The following WDR27 variants were observed in gnomAD, a reference collection of about 807,000 sequenced individuals.
The protein encoded by WDR27 is WD repeat-containing protein 27.
Under a neutral mutation model 114.4 loss-of-function variants are expected in WDR27, and 100 were observed. The observed-to-expected ratio is 0.87, with a 90% CI of 0.74 to 1.03. The LOEUF (loss-of-function observed/expected upper bound fraction) is 1.03. Ranked by LOEUF, WDR27 falls within the 50% of genes least tolerant of loss-of-function variation. WDR27 has a pLI of 0.00. For synonymous variants in WDR27, 449 were observed against 423.1 expected, an observed-to-expected ratio of 1.06 and a Z score of -0.75; for missense variants, 1,129 against 1,092.9, an observed-to-expected ratio of 1.03 and a Z score of -0.47.
intron 25 of WDR27, among the ~76,000 whole-genome samples, chr6:169,570,503 C>T (rs1801202340): frequency 6.6e-6 from 1 of 152,192 alleles, no homozygotes; most frequent in African/African-American, 2.4e-5. Context: ...CATAGGTTTA[C>T]TCATTCTCAG....
chr6:169,457,055 G>A (rs141038621), downstream of WDR27, among the ~76,000 whole-genome samples: 282 of 149,356 alleles, frequency 1.9e-3, 2 homozygotes, highest in African/African-American at 6.7e-3. Flanking sequence ...TAACCATGCA[G>A]AACCTAGGGA....
intron 14 of WDR27, among the ~76,000 whole-genome samples, chr6:169,650,833 A>T (rs1161507073): frequency 6.6e-6 from 1 of 151,332 alleles, no homozygotes; most frequent in Admixed American, 6.6e-5. Context: ...TCCATCTCTC[A>T]TCCCTCCATC....
rs149733485 is a variant in WDR27 at position 169,630,703 on chromosome 6, G to A, written c.2223+2244C>T. 1.3e-4 allele frequency among the ~76,000 whole-genome samples: 20 copies of A among 152,278 alleles called. No individual in the cohort carries two copies. The East Asian group carries it at 2.1e-3, about 16-fold the overall frequency. ...AAGGTCAGGAGTTCGAGACTAGCCC[G>A]GCCAACATGGTGAAACTCCATCTCT... On this transcript the variant is annotated intron_variant, in intron 21 of 25. Coordinates refer to ENST00000448612, the MANE Select transcript of WDR27 (RefSeq NM_182552.5).
intron 22 of WDR27, among the ~76,000 whole-genome samples, chr6:169,612,554 G>A (rs1339709132): frequency 6.8e-6 from 1 of 147,190 alleles, no homozygotes; most frequent in African/African-American, 2.5e-5. Context: ...GGGTGGTGGG[G>A]CAGGGAGGTT....
chr6:169,647,239 GA>G (rs879542132), intron 16 of WDR27, among the ~76,000 whole-genome samples: 3 of 152,216 alleles, frequency 2.0e-5, no homozygotes, highest in Non-Finnish European at 4.4e-5. Flanking sequence ...ACACACGTGA[GA>G]ATCGGGCGAC....
At chr6:169,489,829 C>T (rs1480738128) in intron 25 of WDR27, among the ~76,000 whole-genome samples, 1 of 152,190 alleles carries the variant, frequency 6.6e-6, no homozygotes, top group Non-Finnish European at 1.5e-5. Flanking sequence ...GTCTCTAATC[C>T]AGGATAAATA....
chr6:169,660,838 CT>C (rs1251122905), intron 9 of WDR27, 72 bp from the exon 10 acceptor site: 27 of 1,130,296 alleles, frequency 2.4e-5, no homozygotes, highest in Non-Finnish European at 3.0e-5. Context: ...CGTGCGCCCC[CT>C]GGCCTGGCTG....
chr6:169,631,524 G>A (rs553794497), intron 21 of WDR27, among the ~76,000 whole-genome samples: 11 of 152,262 alleles, frequency 7.2e-5, no homozygotes, highest in East Asian at 5.8e-4. Flanking sequence ...GGGAGGGCAC[G>A]GAGGTGGAAT....
chr6:169,544,944 ACTG>A (rs1797269434), intron 25 of WDR27, among the ~76,000 whole-genome samples: 1 of 152,264 alleles, frequency 6.6e-6, no homozygotes, highest in Non-Finnish European at 1.5e-5. Context: ...TGTTCCATGT[ACTG>A]GAAGACTCAA....
intron 25 of WDR27, among the ~76,000 whole-genome samples, chr6:169,543,467 A>G (rs1797074645): frequency 6.6e-6 from 1 of 152,166 alleles, no homozygotes; most frequent in Admixed American, 6.5e-5. Flanking sequence ...TATTTAGCAA[A>G]TTAGAAATTG....
chr6:169,469,953 G>A (rs141616081), intron 25 of WDR27, among the ~76,000 whole-genome samples: 122 of 152,248 alleles, frequency 8.0e-4, no homozygotes, highest in Middle Eastern at 3.4e-3. Context: ...ATACTGATAG[G>A]CTAATAATTT....
At chr6:169,602,475 G>T (rs1808211187) in intron 22 of WDR27, among the ~76,000 whole-genome samples, 154 bp from the exon 23 acceptor site, 2 of 151,982 alleles carry the variant, frequency 1.3e-5, no homozygotes, top group Non-Finnish European at 2.9e-5. Flanking sequence ...ATGGTTAATG[G>T]GTCTCTCTAG....
chr6:169,624,463 C>T (rs1254831977), intron 21 of WDR27, among the ~76,000 whole-genome samples: 8 of 152,212 alleles, frequency 5.3e-5, no homozygotes, highest in East Asian at 3.9e-4. Context: ...ATGAAACGCT[C>T]GTGTCCACTC....
At chr6:169,523,581 A>T (rs1333739881) in intron 25 of WDR27, among the ~76,000 whole-genome samples, 1 of 152,126 alleles carries the variant, frequency 6.6e-6, no homozygotes, top group African/African-American at 2.4e-5. Flanking sequence ...CATTAAAAAG[A>T]TCATTCACTG....
chr6:169,635,205 A>G (rs1348640562), intron 19 of WDR27, among the ~76,000 whole-genome samples: 2 of 152,046 alleles, frequency 1.3e-5, no homozygotes, highest in Non-Finnish European at 2.9e-5. Flanking sequence ...GTCTCTACTA[A>G]AAATACAAAA....
At chr6:169,456,454 C>T (rs1385986987), downstream of WDR27, among the ~76,000 whole-genome samples, 1 of 152,156 alleles carries the variant, frequency 6.6e-6, no homozygotes, top group Non-Finnish European at 1.5e-5. The surrounding 1 kb of genome is among the most constrained non-coding windows in gnomAD (Gnocchi z 4.0). Flanking sequence ...CAGGGCATTC[C>T]GGCTGGTCCC....
rs1390264295 is a variant in WDR27, at chr6:169,602,278, A to G, written c.2365T>C (p.Cys789Arg). The G allele has an allele frequency of 3.2e-6, 5 of 1,567,488 alleles. No homozygotes were observed. Among genetic ancestry groups the G allele is most frequent in the South Asian group, 1.2e-5 (1 of 84,856 alleles). Residue 789 changes from cysteine (C) to arginine (R), a missense_variant, in exon 23 of 26, where the codon TGT becomes CGT. Coordinates refer to ENST00000448612, the MANE Select transcript of WDR27 (RefSeq NM_182552.5). ...FEGHPTRGYPCGIAFSPCGRF... is the reference protein window; with the variant it reads ...FEGHPTRGYPRGIAFSPCGRF... ...CCACAAGGACTGAAAGCGATTCCAC[A>G]TGGATAGCCGCGGGTTGGATGCCCT...
At position 169,664,251 on chromosome 6, in the gene WDR27, A is replaced by G. The variant is rs369038542; in HGVS notation, c.819T>C (p.Tyr273=). The G allele has an allele frequency of 2.2e-4, 356 of 1,613,950 alleles. 2 individuals are homozygous for G. In the South Asian group the frequency reaches 3.2e-3, roughly 15 times the overall value. ...WIFSLMDGHH[Y]RRVARVDLRK... ...TTAGGTCAACCCGTGCCACACGACG[A>G]TAATGGTGTCCATCCATCAAACTGA... is the stretch of plus-strand genomic sequence containing the variant. Residue 273 remains tyrosine, a synonymous_variant, in exon 8 of 26, where the codon TAT becomes TAC. Transcript: ENST00000448612.
At chr6:169,640,830 A>G (rs890834750) in intron 17 of WDR27, among the ~76,000 whole-genome samples, 24 of 152,262 alleles carry the variant, frequency 1.6e-4, no homozygotes, top group Non-Finnish European at 2.8e-4. Context: ...CCTGGCTGCA[A>G]GAGGCCGCGA....
Sources: allele counts gnomAD v4.1 joint callset (sites outside exome capture counted in the v4.1 genomes callset), GRCh38; gene constraint gnomAD v4.1.1; non-coding constraint Gnocchi (gnomAD v3.1); transcripts MANE v1.5; gene names NCBI Gene and HGNC (gene_info 2026-07-23, HGNC 2026-07-21).